The following NSD1 variants were observed in gnomAD, a reference collection of about 807,000 sequenced individuals.
NSD1 encodes the protein histone-lysine N-methyltransferase, H3 lysine-36 specific.
NSD1 carries 26 observed loss-of-function variants against 242.7 expected under a neutral mutation model. The observed-to-expected ratio is 0.11, with a 90% CI of 0.08 to 0.15. The LOEUF is 0.15. NSD1 is among the 10% of genes least tolerant of loss of function. The probability of loss-of-function intolerance (pLI) is 1.00; values close to 1 mark genes in which losing one functional copy is unlikely to be tolerated. For synonymous variants in NSD1, 1,106 were observed against 1,178.1 expected, an observed-to-expected ratio of 0.94 and a Z score of 1.25; for missense variants, 2,495 against 3,272.8, an observed-to-expected ratio of 0.76 and a Z score of 5.80.
At chr5:177,141,176 C>G (rs537440038) in intron 2 of NSD1, among the ~76,000 whole-genome samples, 1 of 151,990 alleles carries the variant, frequency 6.6e-6, no homozygotes, top group South Asian at 2.1e-4. Flanking sequence ...CGCCCGCCAC[C>G]GCAACCAGCT....
At position 177,294,069 on chromosome 5, in the gene NSD1, C is replaced by G; in HGVS notation, c.6701C>G (p.Thr2234Ser). The G allele has an allele frequency of 8.7e-6, 14 of 1,614,088 alleles. No individual in the cohort carries two copies. The highest frequency in any genetic ancestry group is 1.1e-5 in the Non-Finnish European group (13 of 1,180,044). Residue 2234 changes from threonine to serine, a missense_variant, in exon 23 of 23, where the codon ACT (threonine) becomes AGT (serine). Thr to Ser is a moderately conservative substitution (Grantham distance 58, BLOSUM62 1). Transcript: ENST00000439151. ...PPVPLPPGPS[T>S]HLAEQSTGMA... is the part of the protein sequence containing the mutation. ...GTACCGCTGCCTCCAGGGCCAAGCA[C>G]TCACCTGGCAGAGCAATCAACAGGA...
At chr5:177,175,302 G>C (rs1760101930) in intron 2 of NSD1, among the ~76,000 whole-genome samples, 1 of 152,152 alleles carries the variant, frequency 6.6e-6, no homozygotes, top group Non-Finnish European at 1.5e-5. Context: ...CAGTGAGTAG[G>C]AAGAAAATTT....
chr5:177,297,839 T>C lies in NSD1; in HGVS notation c.*2380T>C, dbSNP rs923551553. 8.6e-6 allele frequency: 2 copies of C among 232,988 alleles called. No individual in the cohort carries two copies. Among genetic ancestry groups the C allele is most frequent in the African/African-American group, 2.2e-5 (1 of 45,276 alleles). The allele number at this position is 232,988 out of a possible 1,614,324, so 14.4% of individuals were successfully genotyped here. ...CATGATTGGCTGCTTTGTGGTTTTA[T>C]TTTGGTTCTTTCCATTCTCCGCCAT... On this transcript the variant is annotated 3_prime_UTR_variant, in exon 23 of 23. Transcript: ENST00000439151.
In NSD1 at chr5:177,295,501, T is replaced by G. The variant is rs767573089; in HGVS notation, c.*42T>G. 1.9e-6 allele frequency: 3 copies of G among 1,594,664 alleles called. No homozygotes were observed. The African/African-American group carries it at 4.0e-5, about 21-fold the overall frequency. On this transcript the variant is annotated 3_prime_UTR_variant, in exon 23 of 23. Transcript: ENST00000439151. This position sits in a 1 kb window ranked among gnomAD's most constrained non-coding sequence, Gnocchi z 4.3. ...ATGAACAAACAAGCTGCCCCCAGGG[T>G]ACCATTTGGGGAGGGGAAATCTTTT...
At chr5:177,273,860 A>G (rs1204210614) in intron 17 of NSD1, 76 bp downstream of exon 17, 2 of 969,962 alleles carry the variant, frequency 2.1e-6, no homozygotes, top group Non-Finnish European at 3.3e-6. Flanking sequence ...GTTCATGACA[A>G]GAACGGAAGC....
chr5:177,192,097 A>G, intron 3 of NSD1, 78 bp downstream of exon 3: 1 of 1,273,492 alleles, frequency 7.9e-7, no homozygotes, highest in Non-Finnish European at 1.1e-6. Flanking sequence ...TAATAATAAT[A>G]TATTTTTTTC....
chr5:177,184,926 A>G (rs1196616575), intron 2 of NSD1, among the ~76,000 whole-genome samples: 1 of 152,090 alleles, frequency 6.6e-6, no homozygotes, highest in African/African-American at 2.4e-5. Context: ...GCTGTGGAAA[A>G]GTTTTAGTAG....
intron 12 of NSD1, among the ~76,000 whole-genome samples, chr5:177,252,105 C>T (rs1222206729): frequency 6.6e-6 from 1 of 151,986 alleles, no homozygotes; most frequent in African/African-American, 2.4e-5. Context: ...GAGCTGATGC[C>T]ATAGAGGAAG....
Position 177,239,870 on chromosome 5 carries a change from GT to G in NSD1, c.4302+7del, listed in dbSNP as rs1423812612. ...GACCTTGGCCTTTCTAAAAAGGTAT[GT>G]TATTTTTGTAAGTTCTAAAAGAAAT... On this transcript the variant is annotated splice_donor_region_variant and intron_variant, in intron 8 of 22. Coordinates refer to ENST00000439151, the MANE Select transcript of NSD1 (RefSeq NM_022455.5). 1 of 1,536,670 alleles carries G rather than the reference GT, an allele frequency of 6.5e-7. No homozygotes were observed. The highest frequency in any genetic ancestry group is 9.0e-7 in the Non-Finnish European group (1 of 1,110,608).
chr5:177,185,113 C>T (rs1462427758), intron 2 of NSD1, among the ~76,000 whole-genome samples: 2 of 152,042 alleles, frequency 1.3e-5, no homozygotes, highest in Non-Finnish European at 2.9e-5. Context: ...TTAGTACTTC[C>T]CCCACTTCCC....
rs975694084 is a variant in NSD1 at position 177,269,928 on chromosome 5, C to A, written c.5509+121C>A. ...TGCCTTTGTCCTCTCAGGGCATTAT[C>A]TGGCTGCAAATACAGTATTTTGCAA... On this transcript the variant is annotated intron_variant, in intron 16 of 22. Transcript: ENST00000439151. The surrounding 1 kb of genome is among the most constrained non-coding windows in gnomAD (Gnocchi z 5.1). The A allele has an allele frequency of 2.5e-6, 2 of 798,666 alleles. No individual in the cohort carries two copies. Among genetic ancestry groups the A allele is most frequent in the Admixed American group, 2.8e-5 (1 of 35,902 alleles). The allele number at this position is 798,666 out of a possible 1,614,324, so 49.5% of individuals were successfully genotyped here.
At chr5:177,251,687 T>G in intron 11 of NSD1, 43 bp from the exon 12 acceptor site, 1 of 1,610,476 alleles carries the variant, frequency 6.2e-7, no homozygotes, top group African/African-American at 1.3e-5. Flanking sequence ...CTCTTGATTC[T>G]CAAACATGGA....
intron 5 of NSD1, among the ~76,000 whole-genome samples, chr5:177,229,232 T>C (rs1316300355): frequency 6.6e-6 from 1 of 152,226 alleles, no homozygotes; most frequent in East Asian, 1.9e-4. Flanking sequence ...TTTTAGTTGG[T>C]AGTGTATACT....
At chr5:177,145,297 T>G (rs1004077483) in intron 2 of NSD1, among the ~76,000 whole-genome samples, 1 of 150,956 alleles carries the variant, frequency 6.6e-6, no homozygotes, top group Admixed American at 6.6e-5. Flanking sequence ...TTTTTTTTTT[T>G]GGACAGTGTC....
chr5:177,293,583 C>T (rs1373918835), intron 22 of NSD1, among the ~76,000 whole-genome samples: 1 of 124,792 alleles, frequency 8.0e-6, no homozygotes, highest in East Asian at 2.9e-4. Flanking sequence ...TACCAATTTA[C>T]TCTTCTGCTT....
chr5:177,168,409 G>A lies in NSD1; in HGVS notation c.928-23475G>A, dbSNP rs568678886. ...GTGTCTTTCTTTTGGATCCTGTTAA[G>A]TGGGATTTTTTGCTCAGTTTCCTTT... On this transcript the variant is annotated intron_variant, in intron 2 of 22. Coordinates refer to ENST00000439151, the MANE Select transcript of NSD1 (RefSeq NM_022455.5). 2.7e-5 allele frequency among the ~76,000 whole-genome samples: 4 copies of A among 149,026 alleles called. No homozygotes were observed. In the South Asian group the frequency reaches 8.5e-4, roughly 32 times the overall value.
chr5:177,279,610 ATTTTT>A (rs536478404), intron 17 of NSD1, among the ~76,000 whole-genome samples: 14 of 95,432 alleles, frequency 1.5e-4, no homozygotes, highest in Admixed American at 9.8e-4. Context: ...AGCTTTGAAA[ATTTTT>A]TTTTTTTTTT....
At chr5:177,250,365 T>G (rs1309593456) in intron 11 of NSD1, among the ~76,000 whole-genome samples, 1 of 152,240 alleles carries the variant, frequency 6.6e-6, no homozygotes, top group Non-Finnish European at 1.5e-5. Context: ...CTTGTCTGGA[T>G]CAGTCTTTGT....
Position 177,269,395 on chromosome 5 carries a change from G to A in NSD1, c.5304-207G>A, listed in dbSNP as rs760308290. Among the ~76,000 whole-genome samples the A allele has an allele frequency of 6.6e-6, 1 of 152,136 alleles. No homozygotes were observed. On this transcript the variant is annotated intron_variant, in intron 15 of 22. Transcript: ENST00000439151. This position sits in a 1 kb window ranked among gnomAD's most constrained non-coding sequence, Gnocchi z 5.1. The stretch of plus-strand genomic sequence containing the variant: ...AGAATAATTGAGTCTAAGGGAGTGC[G>A]CGCCTGTGTGGGAATGTGGGCAGAT...
Sources: allele counts gnomAD v4.1 joint callset (sites outside exome capture counted in the v4.1 genomes callset), GRCh38; gene constraint gnomAD v4.1.1; non-coding constraint Gnocchi (gnomAD v3.1); transcripts MANE v1.5; gene names NCBI Gene and HGNC (gene_info 2026-07-23, HGNC 2026-07-21).